PHACTR2: variants seen among roughly 807,000 people sequenced by gnomAD.
The protein encoded by PHACTR2 is phosphatase and actin regulator 2.
A neutral mutation model predicts 76.0 loss-of-function variants in PHACTR2; 30 were observed. The observed-to-expected ratio is 0.39, with a 90% CI of 0.30 to 0.54. The LOEUF (loss-of-function observed/expected upper bound fraction) is 0.54. Among genes scored for constraint, PHACTR2 ranks in the 20% least tolerant of loss-of-function variants. The probability of loss-of-function intolerance (pLI) is 0.61; values close to 1 mark genes in which losing one functional copy is unlikely to be tolerated. For missense variants in PHACTR2, 696 were observed against 781.1 expected (o/e 0.89, Z 1.30); for synonymous variants, 292 against 292.5 (o/e 1.00, Z 0.02).
Position 143,672,540 on chromosome 6 carries a change from T to G in PHACTR2, c.14-39476T>G, listed in dbSNP as rs1317042884. On this transcript the variant is annotated intron_variant, in intron 1 of 11. Transcript: ENST00000305766. This position sits in a 1 kb window ranked among gnomAD's most constrained non-coding sequence, Gnocchi z 5.8. ...AATTCTGACCACCTACTATTAGAAT[T>G]TAATCTTTCTTTAATTCAGGAAGCA... 6.6e-6 allele frequency among the ~76,000 whole-genome samples: 1 copy of G among 152,008 alleles called. No homozygotes were observed. Among genetic ancestry groups the G allele is most frequent in the Non-Finnish European group, 1.5e-5 (1 of 67,996 alleles).
intron 1 of PHACTR2, among the ~76,000 whole-genome samples, chr6:143,630,047 CAAG>C (rs1005752475): frequency 2.9e-4 from 44 of 151,650 alleles, no homozygotes; most frequent in Admixed American, 2.0e-3. Flanking sequence ...ATCTCTGTGA[CAAG>C]AAGAAGATGA....
chr6:143,574,874 GCAA>G (rs1285697730), intron 1 of PHACTR2, among the ~76,000 whole-genome samples: 2 of 151,904 alleles, frequency 1.3e-5, no homozygotes, highest in Admixed American at 6.6e-5. Flanking sequence ...GTGTAAAACA[GCAA>G]CAACAACAAC....
intron 1 of PHACTR2, among the ~76,000 whole-genome samples, chr6:143,670,212 G>A (rs189032392): frequency 8.0e-4 from 122 of 152,304 alleles, no homozygotes; most frequent in Admixed American, 5.9e-3. Context: ...AGAGAGATCC[G>A]CTGTTAGTCT....
Position 143,663,170 on chromosome 6 carries a change from C to T in PHACTR2, c.14-48846C>T, listed in dbSNP as rs534058754. On this transcript the variant is annotated intron_variant, in intron 1 of 11. Coordinates refer to the PHACTR2 transcript ENST00000305766. The surrounding 1 kb of genome is among the most constrained non-coding windows in gnomAD (Gnocchi z 4.1). ...CTATTGTGAATAGCACAGTGATGAA[C>T]GTACGAGTGCATGTGTCTTTTTGCT... is the stretch of plus-strand genomic sequence containing the variant. Among the ~76,000 whole-genome samples, 146 of 152,286 alleles carry T rather than the reference C, an allele frequency of 9.6e-4. 1 individual carries two copies. Among genetic ancestry groups the T allele is most frequent in the African/African-American group, 3.2e-3 (132 of 41,564 alleles).
At position 143,765,408 on chromosome 6, in the gene PHACTR2, C is replaced by T; in HGVS notation, c.842C>T (p.Thr281Ile). ...GGGACCACCAAGGGCAAGAGAAAAACTGACAAGCAGCCAATAACTTCTCAC... is the reference window on the plus strand; with the variant it reads ...GGGACCACCAAGGGCAAGAGAAAAATTGACAAGCAGCCAATAACTTCTCAC... ...TVGTTKGKRK[T>I]DKQPITSHLS... is the part of the protein sequence containing the mutation. Residue 281 changes from threonine (T) to isoleucine (I), a missense_variant, in exon 6 of 13, where the codon ACT (threonine) becomes ATT (isoleucine). Coordinates refer to ENST00000440869, the MANE Select transcript of PHACTR2 (RefSeq NM_001100164.2). This position sits in a 1 kb window ranked among gnomAD's most constrained non-coding sequence, Gnocchi z 4.1. 1 of 1,614,232 alleles carries T rather than the reference C, an allele frequency of 6.2e-7. No individual in the cohort carries two copies.
chr6:143,663,992 T>C lies in PHACTR2; in HGVS notation c.14-48024T>C, dbSNP rs1484541434. Among the ~76,000 whole-genome samples, 1 of 152,138 alleles carries C rather than the reference T, an allele frequency of 6.6e-6. No homozygotes were observed. Among genetic ancestry groups the C allele is most frequent in the Non-Finnish European group, 1.5e-5 (1 of 67,980 alleles). On this transcript the variant is annotated intron_variant, in intron 1 of 11. Transcript: ENST00000305766. The surrounding 1 kb of genome is among the most constrained non-coding windows in gnomAD (Gnocchi z 4.1). ...CATGATCTATTAGTTTTTGATGGTATGTTAAAAATCTCTCCTTATTATTGT... is the reference window on the plus strand; with the variant it reads ...CATGATCTATTAGTTTTTGATGGTACGTTAAAAATCTCTCCTTATTATTGT...
chr6:143,817,735 G>A (rs1776330792), intron 12 of PHACTR2, among the ~76,000 whole-genome samples: 1 of 152,326 alleles, frequency 6.6e-6, no homozygotes, highest in South Asian at 2.1e-4. Context: ...ATTATGTTAT[G>A]TGAAATAAGG....
chr6:143,747,752 G>T (rs981573593), intron 2 of PHACTR2, among the ~76,000 whole-genome samples: 10 of 152,302 alleles, frequency 6.6e-5, no homozygotes, highest in Middle Eastern at 3.4e-3. Flanking sequence ...TGAACAGAAG[G>T]TCTGGAGGAA....
At chr6:143,763,817 A>G (rs1206848664) in intron 5 of PHACTR2, among the ~76,000 whole-genome samples, 2 of 152,242 alleles carry the variant, frequency 1.3e-5, no homozygotes, top group African/African-American at 2.4e-5. Context: ...GTAAGTTATA[A>G]TAACATCTGT....
intron 1 of PHACTR2, among the ~76,000 whole-genome samples, chr6:143,667,462 G>A (rs1286775755): frequency 6.6e-6 from 1 of 152,176 alleles, no homozygotes; most frequent in African/African-American, 2.4e-5. Flanking sequence ...AAATTACTTT[G>A]GACAGTATGG....
intron 12 of PHACTR2, among the ~76,000 whole-genome samples, chr6:143,815,879 A>G (rs1776284346): frequency 7.1e-6 from 1 of 140,136 alleles, no homozygotes; most frequent in South Asian, 2.4e-4. Context: ...GCAAAAGAGC[A>G]AGACTCTGTC....
At position 143,625,057 on chromosome 6, in the gene PHACTR2, G is replaced by A. The variant is rs1304415980; in HGVS notation, c.13+16735G>A. 6.6e-6 allele frequency among the ~76,000 whole-genome samples: 1 copy of A among 152,082 alleles called. No individual in the cohort carries two copies. The highest frequency in any genetic ancestry group is 1.5e-5 in the Non-Finnish European group (1 of 68,022). On this transcript the variant is annotated intron_variant, in intron 1 of 11. Coordinates refer to the PHACTR2 transcript ENST00000305766. This position sits in a 1 kb window ranked among gnomAD's most constrained non-coding sequence, Gnocchi z 4.3. ...TGTAATCCTAGCTACAGGGGAGGCT[G>A]AGGCAGGAGAATTGCTTGAACCCGG...
chr6:143,649,174 C>T (rs1413284162), intron 1 of PHACTR2, among the ~76,000 whole-genome samples: 1 of 151,980 alleles, frequency 6.6e-6, no homozygotes, highest in Non-Finnish European at 1.5e-5. Context: ...AGGGATGCCA[C>T]ATTTTTGTGT....
Position 143,596,367 on chromosome 6 carries a change from GA to G in PHACTR2, c.217+59161del, listed in dbSNP as rs2128435160. Among the ~76,000 whole-genome samples the G allele has an allele frequency of 6.6e-6, 1 of 152,148 alleles. No individual in the cohort carries two copies. The highest frequency in any genetic ancestry group is 2.1e-4 in the South Asian group (1 of 4,816). On this transcript the variant is annotated intron_variant, in intron 1 of 11. Transcript: ENST00000367584. The surrounding 1 kb of genome is among the most constrained non-coding windows in gnomAD (Gnocchi z 4.6). The stretch of plus-strand genomic sequence containing the variant: ...ATTTCTTGGTGGTGATCTTGTTATT[GA>G]GGCTCACATTTACCTGAACTGCATT...
intron 2 of PHACTR2, among the ~76,000 whole-genome samples, chr6:143,726,752 G>C (rs1216071723): frequency 6.6e-6 from 1 of 152,162 alleles, no homozygotes; most frequent in Non-Finnish European, 1.5e-5. Flanking sequence ...ATTCTAGTAG[G>C]TATGTAGTGG....
rs1206649578 is a variant in PHACTR2, at chr6:143,617,575, A to C, written c.13+9253A>C. 6.6e-6 allele frequency among the ~76,000 whole-genome samples: 1 copy of C among 152,182 alleles called. No individual in the cohort carries two copies. On this transcript the variant is annotated intron_variant, in intron 1 of 11. Coordinates refer to the PHACTR2 transcript ENST00000305766. This position sits in a 1 kb window ranked among gnomAD's most constrained non-coding sequence, Gnocchi z 4.8. ...TATATTCTAATGAGCCATGAGGGTG[A>C]CAACCACTGTTAGAGTCCTCTCTCT...
rs1412188311 is a variant in PHACTR2 at position 143,830,158 on chromosome 6, TATTTCTTTTTCTTTTTTTTAAAAAAAAC to T, written c.*6477_*6504del. ...TCATCCCTTAAAATATAGGGACTAATATTTCTTTTTCTTTTTTTTAAAAAAAACATTTCTTCTGTGGCTTAGAAATGTG... is the reference window on the plus strand; with the variant it reads ...TCATCCCTTAAAATATAGGGACTAATATTTCTTCTGTGGCTTAGAAATGTG... On this transcript the variant is annotated 3_prime_UTR_variant, in exon 13 of 13. Coordinates refer to ENST00000440869, the MANE Select transcript of PHACTR2 (RefSeq NM_001100164.2). 1 of 152,136 alleles carries T rather than the reference TATTTCTTTTTCTTTTTTTTAAAAAAAAC, an allele frequency of 6.6e-6. No homozygotes were observed. The highest frequency in any genetic ancestry group is 2.4e-5 in the African/African-American group (1 of 41,404). The allele number at this position is 152,136 out of a possible 1,614,324, so 9.4% of individuals were successfully genotyped here.
In PHACTR2 at chr6:143,549,794, AC is replaced by A. The variant is rs1775062991; in HGVS notation, c.217+12589del. Among the ~76,000 whole-genome samples the A allele has an allele frequency of 6.7e-6, 1 of 150,034 alleles. No individual in the cohort carries two copies. The highest frequency in any genetic ancestry group is 2.5e-5 in the African/African-American group (1 of 40,728). ...TTGATGTTCATGTTTGCAGGCCCTC[AC>A]CTGTGTTAAAGTCATGCTTAGGAGT... On this transcript the variant is annotated intron_variant, in intron 1 of 11. Coordinates refer to the PHACTR2 transcript ENST00000367584. This position sits in a 1 kb window ranked among gnomAD's most constrained non-coding sequence, Gnocchi z 4.2.
chr6:143,542,485 T>A (rs1781180373), intron 1 of PHACTR2, among the ~76,000 whole-genome samples: 2 of 152,196 alleles, frequency 1.3e-5, no homozygotes, highest in Non-Finnish European at 2.9e-5. Context: ...TGTCAGGAAT[T>A]GAGGCAACCA....
Sources: allele counts gnomAD v4.1 joint callset (sites outside exome capture counted in the v4.1 genomes callset), GRCh38; gene constraint gnomAD v4.1.1; non-coding constraint Gnocchi (gnomAD v3.1); transcripts MANE v1.5; gene names NCBI Gene and HGNC (gene_info 2026-07-23, HGNC 2026-07-21).